Variants in DNAH8 observed in about 807,000 individuals in gnomAD.
DNAH8 encodes dynein axonemal heavy chain 8.
Under a neutral mutation model 562.1 loss-of-function variants are expected in DNAH8, and 382 were observed. The ratio of observed to expected loss-of-function variants is 0.68; its 90% CI spans 0.63 to 0.74. The LOEUF (loss-of-function observed/expected upper bound fraction) is 0.74. Among genes scored for constraint, DNAH8 ranks in the 30% least tolerant of loss-of-function variants. The pLI is 0.00. For synonymous variants in DNAH8, 1,881 were observed against 1,919.4 expected, an observed-to-expected ratio of 0.98 and a Z score of 0.52; for missense variants, 5,203 against 5,620.4, an observed-to-expected ratio of 0.93 and a Z score of 2.37.
At chr6:38,816,826 G>A (rs866720353) in intron 26 of DNAH8, among the ~76,000 whole-genome samples, 1 of 152,092 alleles carries the variant, frequency 6.6e-6, no homozygotes. Flanking sequence ...TTGCATTTCT[G>A]TAATGATCAC....
At chr6:38,789,227 A>C (rs1769464049) in intron 18 of DNAH8, among the ~76,000 whole-genome samples, 2 of 152,210 alleles carry the variant, frequency 1.3e-5, no homozygotes, top group African/African-American at 4.8e-5. Flanking sequence ...ATTAGGTAAA[A>C]ATTGAAACAG....
In DNAH8 at chr6:38,971,592, A is replaced by G; in HGVS notation, c.12452A>G (p.Glu4151Gly). The change falls in exon 83 of 93, where the codon GAA (glutamate) becomes GGA (glycine). Residue 4151 changes from glutamate to glycine, a missense_variant and splice_region_variant. Physicochemically the swap from Glu to Gly is moderately conservative, Grantham distance 98 (BLOSUM62 -2). This residue lies in a region of DNAH8 where 1,399 missense variants were observed against 1,518.4 expected (regional missense o/e 0.92). Coordinates refer to ENST00000327475, the MANE Select transcript of DNAH8 (RefSeq NM_001206927.2). ...TAGTGAACTTTCTCCTATGTTACAG[A>G]ATGTAGAACTATCTCAATGGGGCAA... Reference protein sequence around the residue: ...IDALAKKLKLECRTISMGQGQ... With the variant: ...IDALAKKLKLGCRTISMGQGQ... The G allele has an allele frequency of 6.4e-7, 1 of 1,550,828 alleles. No homozygotes were observed. Among genetic ancestry groups the G allele is most frequent in the Non-Finnish European group, 8.7e-7 (1 of 1,150,454 alleles).
intron 76 of DNAH8, among the ~76,000 whole-genome samples, chr6:38,934,115 G>A (rs553880394): frequency 6.6e-6 from 1 of 152,256 alleles, no homozygotes; most frequent in South Asian, 2.1e-4. Flanking sequence ...CACTTTGGAA[G>A]GTTGAGGCAG....
chr6:38,789,518 CA>C (rs1769494761), intron 18 of DNAH8, among the ~76,000 whole-genome samples: 1 of 152,022 alleles, frequency 6.6e-6, no homozygotes, highest in Admixed American at 6.6e-5. Flanking sequence ...ACAGATATCA[CA>C]AAAAGATAAT....
At chr6:38,776,079 T>C (rs577964225) in intron 13 of DNAH8, 128 bp downstream of exon 13, 102 of 668,436 alleles carry the variant, frequency 1.5e-4, no homozygotes, top group Non-Finnish European at 2.5e-4. Context: ...CTCTTTCACA[T>C]TGACCAAACA....
At chr6:38,718,853 A>C (rs1762535858) in intron 1 of DNAH8, among the ~76,000 whole-genome samples, 2 of 151,966 alleles carry the variant, frequency 1.3e-5, no homozygotes, top group Admixed American at 6.6e-5. Flanking sequence ...GTCGTTCTAA[A>C]CTTTTTTTCC....
rs777057945 is a variant in DNAH8 at position 38,852,793 on chromosome 6, ATTG to A, written c.5571_5571+2del. ...CGTCATATCAAGAGAAGGAGAAAAA[ATTG>A]TTGTAATTTACCTTGCTTTAAATTT... On this transcript the variant is annotated inframe_deletion and splice_region_variant, in exon 40 of 93. Coordinates refer to ENST00000327475, the MANE Select transcript of DNAH8 (RefSeq NM_001206927.2). The A allele has an allele frequency of 1.9e-6, 3 of 1,609,988 alleles. No individual in the cohort carries two copies. The Admixed American group carries it at 5.0e-5, about 27-fold the overall frequency.
chr6:38,763,559 A>G, intron 11 of DNAH8: 1 of 194,458 alleles, frequency 5.1e-6, no homozygotes, highest in East Asian at 1.6e-4. Context: ...CATGTCTGTG[A>G]TTCTTGCACT....
Position 38,734,507 on chromosome 6 carries a change from G to A in DNAH8, c.644G>A (p.Gly215Glu), listed in dbSNP as rs200815756. 3.5e-4 allele frequency: 558 copies of A among 1,613,620 alleles called. 1 individual carries two copies. Among genetic ancestry groups the A allele is most frequent in the Admixed American group, 8.2e-4 (49 of 59,934 alleles). Residue 215 changes from glycine to glutamate, a missense_variant, in exon 5 of 93, where the codon GGG (glycine) becomes GAG (glutamate). Physicochemically the swap from Gly to Glu is moderately conservative, Grantham distance 98. This residue lies in a region of DNAH8 where 556 missense variants were observed against 496.9 expected (regional missense o/e 1.12). Coordinates refer to ENST00000327475, the MANE Select transcript of DNAH8 (RefSeq NM_001206927.2). Reference sequence around the variant, plus strand: ...CGAACTATTGCTGGAGCAACTAAAGGGGCAAAAATGATGAAATTGTATATA... The same window carrying A: ...CGAACTATTGCTGGAGCAACTAAAGAGGCAAAAATGATGAAATTGTATATA... ...CGRTIAGATK[G>E]AKMMKLYIDN...
intron 26 of DNAH8, among the ~76,000 whole-genome samples, chr6:38,815,967 A>T (rs554633009): frequency 1.3e-5 from 2 of 152,308 alleles, no homozygotes; most frequent in East Asian, 3.9e-4. Flanking sequence ...AGTAGTTATG[A>T]ATATGATATG....
chr6:38,741,991 A>G, intron 8 of DNAH8, 104 bp downstream of exon 8: 1 of 915,286 alleles, frequency 1.1e-6, no homozygotes, highest in Non-Finnish European at 1.6e-6. Context: ...TCGTGTTTAG[A>G]AGTGTTAGCC....
At chr6:38,935,802 T>C in intron 77 of DNAH8, 105 bp downstream of exon 77, 1 of 781,408 alleles carries the variant, frequency 1.3e-6, no homozygotes, top group East Asian at 2.8e-5. Flanking sequence ...AATACTCATG[T>C]TATCAATGCA....
intron 76 of DNAH8, among the ~76,000 whole-genome samples, chr6:38,932,216 A>ACACACACACACAC (rs375631180): frequency 1.4e-5 from 2 of 145,640 alleles, no homozygotes; most frequent in African/African-American, 5.4e-5. Context: ...ACACACACAC[A>ACACACACACACAC]CCCGTCTCTT....
intron 73 of DNAH8, among the ~76,000 whole-genome samples, chr6:38,925,854 G>A (rs369710843): frequency 1.5e-4 from 23 of 151,990 alleles, no homozygotes; most frequent in African/African-American, 5.6e-4. Flanking sequence ...GGATTCATTA[G>A]ATAATAAATT....
chr6:38,753,233 G>A (rs986802819), intron 9 of DNAH8, among the ~76,000 whole-genome samples: 13 of 152,086 alleles, frequency 8.5e-5, no homozygotes, highest in African/African-American at 2.9e-4. Flanking sequence ...TTCTGTGCAC[G>A]TGACCCCAAG....
At chr6:38,906,658 A>C (rs919696289) in intron 63 of DNAH8, among the ~76,000 whole-genome samples, 11 of 152,176 alleles carry the variant, frequency 7.2e-5, no homozygotes, top group Admixed American at 4.6e-4. Context: ...CTTATAATTT[A>C]TTTTAGGAGA....
In DNAH8 at chr6:38,908,002, G is replaced by T. The variant is rs1561846864; in HGVS notation, c.9395G>T (p.Gly3132Val). The change falls in exon 64 of 93, where the codon GGT (glycine) becomes GTT (valine). Residue 3132 changes from glycine (G) to valine (V), a missense_variant. Gly to Val is a moderately radical substitution (Grantham distance 109). Around this residue, in one of 6 missense-constraint regions of DNAH8, gnomAD observed 977 missense variants for 1,061.8 expected, o/e 0.92. Transcript: ENST00000327475. ...GATGAGATGGATGAAATCACCCAAG[G>T]TCTGATTTCAGTGATGAAGAGGGAG... ...ARDEMDEITQ[G>V]LISVMKRELP... is the part of the protein sequence containing the mutation. 7 of 1,611,670 alleles carry T rather than the reference G, an allele frequency of 4.3e-6. No individual in the cohort carries two copies. Among genetic ancestry groups the T allele is most frequent in the South Asian group, 1.1e-5 (1 of 90,550 alleles).
chr6:38,858,602 C>G (rs923354236), intron 42 of DNAH8, among the ~76,000 whole-genome samples: 2 of 152,174 alleles, frequency 1.3e-5, no homozygotes, highest in Non-Finnish European at 2.9e-5. Context: ...CTCCAGCCTC[C>G]CTCCTCCCAT....
intron 68 of DNAH8, among the ~76,000 whole-genome samples, chr6:38,916,964 A>G (rs555711653): frequency 2.0e-5 from 3 of 152,288 alleles, no homozygotes; most frequent in Admixed American, 6.5e-5. Context: ...TAAATGTTAC[A>G]TATCAGTGGG....
Sources: allele counts gnomAD v4.1 joint callset (sites outside exome capture counted in the v4.1 genomes callset), GRCh38; gene constraint gnomAD v4.1.1; regional missense constraint gnomAD v4.1.1; transcripts MANE v1.5; gene names NCBI Gene and HGNC (gene_info 2026-07-23, HGNC 2026-07-21).